Variants in NBPF9 observed in about 807,000 individuals in gnomAD.
NBPF9 encodes NBPF family member NBPF9.
NBPF9 carries 91 observed loss-of-function variants against 97.8 expected under a neutral mutation model. That is an observed-to-expected ratio of 0.93 (90% confidence interval 0.79 to 1.11). The LOEUF (loss-of-function observed/expected upper bound fraction) is 1.11, where lower values mean the gene tolerates loss of function less well. Ranked by LOEUF, NBPF9 falls within the 50% of genes least tolerant of loss-of-function variation. The probability of loss-of-function intolerance (pLI) is 0.00; values close to 1 mark genes in which losing one functional copy is unlikely to be tolerated. For synonymous variants in NBPF9, 334 were observed against 359.5 expected (o/e 0.93, Z 0.80); for missense variants, 992 against 939.5 (o/e 1.06, Z -0.73).
intron 14 of NBPF9, among the ~76,000 whole-genome samples, chr1:149,072,457 T>C (rs1351297214): frequency 2.0e-5 from 3 of 152,038 alleles, no homozygotes; most frequent in East Asian, 3.9e-4. Flanking sequence ...CTCCTTCCTG[T>C]CCTTTAAAAC....
At position 149,082,143 on chromosome 1, in the gene NBPF9, G is replaced by C. The variant is rs1283044260; in HGVS notation, c.-4C>G. The stretch of plus-strand genomic sequence containing the variant: ...AAGGGCCGGCTGATACCACCATGCT[G>C]ACGTTTGTGGCAGAAGAGGTGGGGC... On this transcript the variant is annotated 5_prime_UTR_variant, in exon 7 of 30. Transcript: ENST00000584027. 10 of 1,612,032 alleles carry C rather than the reference G, an allele frequency of 6.2e-6. No homozygotes were observed. The African/African-American group carries it at 1.3e-4, about 22-fold the overall frequency.
Position 149,073,765 on chromosome 1 carries a change from C to T in NBPF9, c.1091+3G>A. On this transcript the variant is annotated splice_donor_region_variant and intron_variant, in intron 13 of 29. Coordinates refer to ENST00000584027, the Ensembl canonical transcript of NBPF9. ...CCTGCCTGCCCCCATGGGGTCCCCT[C>T]ACCTGAGCTCCTCAGCTTGCTTCAG... The T allele has an allele frequency of 6.3e-7, 1 of 1,579,256 alleles. No individual in the cohort carries two copies. Among genetic ancestry groups the T allele is most frequent in the Non-Finnish European group, 8.7e-7 (1 of 1,155,802 alleles).
chr1:149,078,022 G>T lies in NBPF9; in HGVS notation c.494-67C>A, dbSNP rs587704694. The T allele has an allele frequency of 2.1e-3, 3,250 of 1,552,286 alleles. 11 individuals are homozygous for T. Among genetic ancestry groups the T allele is most frequent in the Non-Finnish European group, 2.7e-3 (3,081 of 1,129,986 alleles). ...ATTCTGCAAGCACAGTCAGCCCAAC[G>T]TGCACAGAGACATGAACATCTATGT... is the stretch of plus-strand genomic sequence containing the variant. On this transcript the variant is annotated intron_variant, in intron 9 of 29. Coordinates refer to ENST00000584027, the Ensembl canonical transcript of NBPF9.
At chr1:149,073,314 C>T (rs1553653450) in intron 13 of NBPF9, among the ~76,000 whole-genome samples, 1 of 140,328 alleles carries the variant, frequency 7.1e-6, no homozygotes, top group African/African-American at 2.7e-5. Flanking sequence ...AGAAATGAGG[C>T]CAGGGGCAGA....
At chr1:149,081,859 G>A (rs1195239278) in intron 7 of NBPF9, 106 bp downstream of exon 7, 2 of 786,338 alleles carry the variant, frequency 2.5e-6, no homozygotes, top group Non-Finnish European at 2.0e-6. Context: ...TTTCCTAGAA[G>A]TACAGGAAGG....
chr1:149,052,256 G>A (rs61808006), downstream of NBPF9, among the ~76,000 whole-genome samples: 15,517 of 151,198 alleles, frequency 0.1, 1,474 homozygotes, highest in East Asian at 0.48. Flanking sequence ...TCGACTTTAT[G>A]AAAATTAAAA....
Position 149,062,005 on chromosome 1 carries a change from A to C in NBPF9, c.2251+88T>G, listed in dbSNP as rs1484826484. On this transcript the variant is annotated intron_variant, in intron 22 of 29. Coordinates refer to ENST00000584027, the Ensembl canonical transcript of NBPF9. Reference sequence around the variant, plus strand: ...CCTGCCTGTGGCAATGACATCTCTCAGGTCAGTAAGGGCCACTTGGAACAG... The same window carrying C: ...CCTGCCTGTGGCAATGACATCTCTCCGGTCAGTAAGGGCCACTTGGAACAG... The C allele has an allele frequency of 2.5e-5, 17 of 683,556 alleles. 1 individual carries two copies. The highest frequency in any genetic ancestry group is 5.9e-5 in the South Asian group (4 of 68,286). The allele number at this position is 683,556 out of a possible 1,614,324, so 42.3% of individuals were successfully genotyped here.
At chr1:149,059,667 C>G (rs2152866537) in intron 25 of NBPF9, 33 bp downstream of exon 25, 1 of 562,464 alleles carries the variant, frequency 1.8e-6, no homozygotes. Flanking sequence ...GGTGTTAACA[C>G]AGAACTAAGG....
At chr1:149,058,422 G>C (rs1455515743) in intron 26 of NBPF9, among the ~76,000 whole-genome samples, 1 of 58,352 alleles carries the variant, frequency 1.7e-5, no homozygotes, top group Non-Finnish European at 3.1e-5. Flanking sequence ...CCCCATTCTG[G>C]TAGATCGTTA....
At chr1:149,058,559 C>T (rs2078387664) in intron 26 of NBPF9, 5 of 239,064 alleles carry the variant, frequency 2.1e-5, no homozygotes, top group South Asian at 1.2e-4. Context: ...TCATCAAATG[C>T]CCAGCTCGTT....
rs1408799275 is a variant in NBPF9 at position 149,076,939 on chromosome 1, C to T, written c.778+269G>A. On this transcript the variant is annotated intron_variant, in intron 11 of 29. Transcript: ENST00000584027. ...TCTCCTGAGCAGTTGGGACTATAGGCATGCAGCACCATGCCTGCCTAATTT... is the reference window on the plus strand; with the variant it reads ...TCTCCTGAGCAGTTGGGACTATAGGTATGCAGCACCATGCCTGCCTAATTT... 4.8e-4 allele frequency among the ~76,000 whole-genome samples: 72 copies of T among 151,406 alleles called. 2 individuals are homozygous for T. The highest frequency in any genetic ancestry group is 4.4e-4 in the Non-Finnish European group (30 of 67,660).
rs587644100 is a variant in NBPF9, at chr1:149,073,215, T to A, written c.1092-283A>T. 3.3e-4 allele frequency among the ~76,000 whole-genome samples: 49 copies of A among 148,038 alleles called. 1 individual carries two copies. The South Asian group carries it at 6.2e-3, about 19-fold the overall frequency. On this transcript the variant is annotated intron_variant, in intron 13 of 29. Coordinates refer to ENST00000584027, the Ensembl canonical transcript of NBPF9. Reference sequence around the variant, plus strand: ...TTCCTAATTCCATTTCAAAAAGACATCCTTTCAGTTCCTCACTCTGGCCAT... The same window carrying A: ...TTCCTAATTCCATTTCAAAAAGACAACCTTTCAGTTCCTCACTCTGGCCAT...
At chr1:149,070,777 T>A (rs1469834406) in intron 16 of NBPF9, among the ~76,000 whole-genome samples, 157 bp downstream of exon 16, 3 of 152,118 alleles carry the variant, frequency 2.0e-5, no homozygotes, top group Admixed American at 1.3e-4. Context: ...GACAAAGGCA[T>A]GACATTAGCT....
At chr1:149,055,742 C>T (rs781942874) in exon 30 of NBPF9, 91 of 1,611,650 alleles carry the variant, frequency 5.6e-5, no homozygotes, top group South Asian at 2.9e-4. Flanking sequence ...ACGTAAAGGG[C>T]GAAGCTGATG....
intron 4 of NBPF9, among the ~76,000 whole-genome samples, chr1:149,095,605 G>A (rs1553661239): frequency 4.5e-5 from 4 of 89,478 alleles, no homozygotes; most frequent in South Asian, 3.8e-4. Flanking sequence ...AGAATTCTGA[G>A]AACTAAACAA....
chr1:149,055,636 C>T (rs1575818769), exon 30 of NBPF9: 8 of 1,611,688 alleles, frequency 5.0e-6, no homozygotes, highest in Non-Finnish European at 6.8e-6. Context: ...AATGACATCT[C>T]TCGGCTTAGT....
At chr1:149,059,805 A>G in exon 25 of NBPF9, 3 of 523,388 alleles carry the variant, frequency 5.7e-6, no homozygotes, top group South Asian at 4.0e-5. Context: ...CTTCTTTTCA[A>G]TTTCTGCAAT....
Position 149,063,053 on chromosome 1 carries a change from C to T in NBPF9, c.2027-140G>A, listed in dbSNP as rs587604273. On this transcript the variant is annotated intron_variant, in intron 20 of 29. Transcript: ENST00000584027. ...ACTGTGAGAGATATTCTTCAGGAGGCCTGAAGGCTGATCACCATAGAGATT... is the reference window on the plus strand; with the variant it reads ...ACTGTGAGAGATATTCTTCAGGAGGTCTGAAGGCTGATCACCATAGAGATT... 223 of 563,648 alleles carry T rather than the reference C, an allele frequency of 4.0e-4. 1 individual carries two copies. Among genetic ancestry groups the T allele is most frequent in the African/African-American group, 3.7e-3 (170 of 45,914 alleles). 34.9% of individuals were successfully genotyped at this position (563,648 alleles called of 1,614,324 possible). A position where few individuals can be genotyped will look rare whatever the true frequency, so the allele number is the denominator to read the frequency against.
At chr1:149,070,349 A>G (rs1418525024) in intron 16 of NBPF9, among the ~76,000 whole-genome samples, 27 of 138,326 alleles carry the variant, frequency 2.0e-4, no homozygotes, top group African/African-American at 7.3e-4. Context: ...AAAAAAATCC[A>G]CGATGCTACA....
Sources: gnomAD v4.1 joint callset for allele counts (sites outside exome capture counted in the v4.1 genomes callset) on GRCh38, gnomAD v4.1.1 for gene constraint, MANE v1.5 for transcripts, NCBI Gene and HGNC (gene_info 2026-07-23, HGNC 2026-07-21) for gene names.